Variants in GLIS3 observed in about 807,000 individuals in gnomAD.
GLIS3 encodes the protein GLIS family zinc finger 3, also known as zinc finger protein GLIS3.
Under a neutral mutation model 78.6 loss-of-function variants are expected in GLIS3, and 53 were observed. The ratio of observed to expected loss-of-function variants is 0.67; its 90% CI spans 0.54 to 0.85. The LOEUF (loss-of-function observed/expected upper bound fraction) is 0.85. GLIS3 is among the 40% of genes least tolerant of loss of function. The pLI, the probability that GLIS3 is intolerant of heterozygous loss-of-function variation, is 0.00. For synonymous variants in GLIS3, 684 were observed against 509.9 expected, an observed-to-expected ratio of 1.34 and a Z score of -4.60; for missense variants, 1,703 against 1,231.1, an observed-to-expected ratio of 1.38 and a Z score of -5.74.
chr9:4,342,624 T>C (rs1482613669), intron 2 of GLIS3, among the ~76,000 whole-genome samples: 2 of 152,236 alleles, frequency 1.3e-5, no homozygotes, highest in Admixed American at 6.5e-5. Context: ...TCTTTTCTAA[T>C]TCTGTGAAGA....
At chr9:3,860,466 C>G (rs1324311823) in intron 8 of GLIS3, among the ~76,000 whole-genome samples, 1 of 152,036 alleles carries the variant, frequency 6.6e-6, no homozygotes, top group Non-Finnish European at 1.5e-5. Context: ...TATCATTGAA[C>G]TCCCCAGCCA....
intron 4 of GLIS3, among the ~76,000 whole-genome samples, chr9:3,983,069 G>A (rs1298436387): frequency 6.6e-6 from 1 of 152,282 alleles, no homozygotes; most frequent in East Asian, 1.9e-4. Flanking sequence ...ATCTCATCTT[G>A]AATTATAACT....
intron 2 of GLIS3, among the ~76,000 whole-genome samples, chr9:4,180,748 G>A (rs1817246849): frequency 6.6e-6 from 1 of 152,250 alleles, no homozygotes; most frequent in East Asian, 1.9e-4. Flanking sequence ...TTATAAATTG[G>A]ACAGTCACAA....
intron 7 of GLIS3, among the ~76,000 whole-genome samples, chr9:3,890,752 AACAACAACAAC>A (rs544018186): frequency 1.5e-4 from 22 of 148,972 alleles, no homozygotes; most frequent in Non-Finnish European, 3.1e-4. Context: ...CAAACCAAAC[AACAACAACAAC>A]ACAACAACAA....
intron 4 of GLIS3, among the ~76,000 whole-genome samples, chr9:4,029,425 C>T (rs534883108): frequency 4.0e-5 from 6 of 150,552 alleles, no homozygotes; most frequent in South Asian, 2.1e-4. Context: ...ATGTGTTATC[C>T]GTCCCCTTAA....
At chr9:4,022,929 T>C (rs1191864589) in intron 4 of GLIS3, among the ~76,000 whole-genome samples, 1 of 152,158 alleles carries the variant, frequency 6.6e-6, no homozygotes, top group Non-Finnish European at 1.5e-5. Flanking sequence ...GAAGACTGGA[T>C]AAAAAAGAGA....
chr9:3,854,070 C>T (rs10758498), intron 9 of GLIS3, among the ~76,000 whole-genome samples: 68,125 of 151,968 alleles, frequency 0.45, 15,934 homozygotes, highest in East Asian at 0.74. Flanking sequence ...CTACTCTACA[C>T]TTCACATAGC....
chr9:4,240,163 G>A (rs184013747), intron 2 of GLIS3, among the ~76,000 whole-genome samples: 1 of 132,492 alleles, frequency 7.5e-6, no homozygotes, highest in Admixed American at 8.0e-5. Context: ...CCAGTTTCAT[G>A]GAAGACAATT....
At chr9:4,432,872 T>G in the GLIS3 span, among the ~76,000 whole-genome samples, 1 of 151,874 alleles carries the variant, frequency 6.6e-6, no homozygotes, top group East Asian at 1.9e-4. Context: ...AACTCCTAAC[T>G]CCAGGTGAGC....
the GLIS3 span, among the ~76,000 whole-genome samples, chr9:4,387,817 T>G: frequency 1.6e-4 from 25 of 152,356 alleles, no homozygotes; most frequent in Admixed American, 6.5e-4. Context: ...TTATTTAACA[T>G]AACTTTCACA....
chr9:4,108,540 T>C (rs1830951815), intron 4 of GLIS3, among the ~76,000 whole-genome samples: 1 of 152,298 alleles, frequency 6.6e-6, no homozygotes, highest in Non-Finnish European at 1.5e-5. Flanking sequence ...AAATCCATTC[T>C]CTTGGCTAAT....
chr9:4,230,538 G>A (rs1169533671), intron 2 of GLIS3, among the ~76,000 whole-genome samples: 1 of 152,126 alleles, frequency 6.6e-6, no homozygotes, highest in Non-Finnish European at 1.5e-5. Flanking sequence ...CAGCAGCTGT[G>A]GACCTAGAAA....
intron 7 of GLIS3, among the ~76,000 whole-genome samples, chr9:3,884,255 G>C (rs1821923869): frequency 6.6e-6 from 1 of 151,344 alleles, no homozygotes; most frequent in South Asian, 2.1e-4. Context: ...ATGGAGGGAG[G>C]CCAAGAGTGT....
the GLIS3 span, among the ~76,000 whole-genome samples, chr9:4,365,537 C>T: frequency 1.5e-3 from 222 of 151,366 alleles, 1 homozygote; most frequent in Non-Finnish European, 2.6e-3. Context: ...GCCTGGGTGA[C>T]AGAGTGAGAC....
chr9:4,210,863 C>T (rs541167142), intron 2 of GLIS3, among the ~76,000 whole-genome samples: 1 of 152,352 alleles, frequency 6.6e-6, no homozygotes, highest in South Asian at 2.1e-4. Flanking sequence ...GAATGTCTGC[C>T]ATTTTCCTTC....
chr9:4,184,986 C>G (rs959086947), intron 2 of GLIS3, among the ~76,000 whole-genome samples: 7 of 152,138 alleles, frequency 4.6e-5, no homozygotes, highest in Non-Finnish European at 8.8e-5. Flanking sequence ...TTTTACACAC[C>G]ATAAAATTCA....
At chr9:4,088,192 T>A (rs989956276) in intron 4 of GLIS3, among the ~76,000 whole-genome samples, 1 of 152,212 alleles carries the variant, frequency 6.6e-6, no homozygotes, top group Non-Finnish European at 1.5e-5. Context: ...GAGATTAGTA[T>A]CATGTACCTC....
At chr9:3,871,357 C>T (rs970316388) in intron 8 of GLIS3, among the ~76,000 whole-genome samples, 5 of 152,202 alleles carry the variant, frequency 3.3e-5, no homozygotes, top group African/African-American at 9.6e-5. Flanking sequence ...TCTCACAGCT[C>T]CACTAGACAG....
At chr9:3,887,661 G>C (rs1822170599) in intron 7 of GLIS3, among the ~76,000 whole-genome samples, 1 of 152,154 alleles carries the variant, frequency 6.6e-6, no homozygotes, top group Non-Finnish European at 1.5e-5. Flanking sequence ...GAGGATACAG[G>C]TTTATATGCT....
Sources: gnomAD v4.1 joint callset for allele counts (sites outside exome capture counted in the v4.1 genomes callset) on GRCh38, gnomAD v4.1.1 for gene constraint, MANE v1.5 for transcripts, NCBI Gene and HGNC (gene_info 2026-07-23, HGNC 2026-07-21) for gene names.